Variants in FAAH2 observed in about 807,000 individuals in gnomAD.
FAAH2 encodes fatty acid amide hydrolase 2.
In FAAH2, 60 loss-of-function variants were observed where a neutral mutation model predicts 36.9. That is an observed-to-expected ratio of 1.63 (90% CI 1.32 to 2.02). FAAH2 has a LOEUF of 2.02. FAAH2 is among the 30% of genes most tolerant of loss of function. The pLI is 0.00. For missense variants in FAAH2, 689 were observed against 397.5 expected, an observed-to-expected ratio of 1.73 and a Z score of -6.23; for synonymous variants, 214 against 143.8, an observed-to-expected ratio of 1.49 and a Z score of -3.49.
chrX:57,463,668 G>T (rs755619544), intron 10 of FAAH2, among the ~76,000 whole-genome samples: 1 of 111,834 alleles, frequency 8.9e-6, no homozygotes, highest in African/African-American at 3.2e-5. Flanking sequence ...ATCATCACTG[G>T]TCATTAGAGA....
chrX:57,434,925 C>G (rs1435735908), intron 8 of FAAH2, among the ~76,000 whole-genome samples: 8 of 111,349 alleles, frequency 7.2e-5, no homozygotes, highest in African/African-American at 2.6e-4. Context: ...TAAGAATGAG[C>G]TTCTTAGCAG....
At chrX:57,190,301 A>T in the FAAH2 span, among the ~76,000 whole-genome samples, 1 of 110,143 alleles carries the variant, frequency 9.1e-6, no homozygotes, top group Non-Finnish European at 1.9e-5. Context: ...GGCAATGATA[A>T]TTTCAAGCCA....
chrX:57,439,313 A>G (rs201763075), intron 8 of FAAH2, among the ~76,000 whole-genome samples: 40,256 of 109,485 alleles, frequency 0.37, 6,423 homozygotes, highest in Middle Eastern at 0.63. Context: ...GTGAGATGGT[A>G]TCTCATTGTG....
At chrX:57,123,056 G>A in the FAAH2 span, among the ~76,000 whole-genome samples, 1 of 110,878 alleles carries the variant, frequency 9.0e-6, no homozygotes, top group Non-Finnish European at 1.9e-5. Flanking sequence ...ACAATGTGCA[G>A]GTTAGTTACA....
At chrX:57,210,175 T>C in the FAAH2 span, among the ~76,000 whole-genome samples, 1 of 111,478 alleles carries the variant, frequency 9.0e-6, no homozygotes, top group African/African-American at 3.3e-5. Flanking sequence ...GCACTTTCAT[T>C]TGTAGTTGTT....
the FAAH2 span, among the ~76,000 whole-genome samples, chrX:57,275,941 C>T: frequency 9.0e-6 from 1 of 111,511 alleles, no homozygotes; most frequent in East Asian, 2.8e-4. Context: ...TAGATACCTA[C>T]AAAGAGACTT....
intron 8 of FAAH2, among the ~76,000 whole-genome samples, chrX:57,435,956 T>C (rs1165764349): frequency 9.0e-6 from 1 of 111,341 alleles, no homozygotes; most frequent in Non-Finnish European, 1.9e-5. Context: ...GTATAGACCT[T>C]GTATTTTAGG....
At chrX:57,399,951 C>A (rs1450907447) in intron 7 of FAAH2, among the ~76,000 whole-genome samples, 2 of 111,895 alleles carry the variant, frequency 1.8e-5, no homozygotes, top group African/African-American at 6.5e-5. Flanking sequence ...TTTTAAAGTC[C>A]TTTTTCTACA....
the FAAH2 span, among the ~76,000 whole-genome samples, chrX:57,207,157 T>G: frequency 9.0e-6 from 1 of 110,987 alleles, no homozygotes; most frequent in Non-Finnish European, 1.9e-5. Flanking sequence ...ATTTTATGCA[T>G]CATATGTTGA....
At chrX:57,431,199 A>C (rs746941962) in intron 7 of FAAH2, among the ~76,000 whole-genome samples, 1 of 111,793 alleles carries the variant, frequency 8.9e-6, no homozygotes, top group East Asian at 2.8e-4. Context: ...TGTCTATATA[A>C]ATTAGAAAAA....
rs192757304 is a variant in FAAH2 at position 57,478,182 on chromosome X, G to T, written c.1424-10575G>T. 5.4e-5 allele frequency among the ~76,000 whole-genome samples: 6 copies of T among 111,645 alleles called. No individual in the cohort carries two copies. In the East Asian group the frequency reaches 8.5e-4, roughly 16 times the overall value. On this transcript the variant is annotated intron_variant, in intron 10 of 10. Coordinates refer to ENST00000374900, the MANE Select transcript of FAAH2 (RefSeq NM_174912.4). The stretch of plus-strand genomic sequence containing the variant: ...CCTGACTTTTTAATGATTGCCATTC[G>T]AACTGGTATGAGATGGTATCTCATT...
the FAAH2 span, among the ~76,000 whole-genome samples, chrX:57,249,742 T>A: frequency 8.9e-6 from 1 of 112,046 alleles, no homozygotes; most frequent in Non-Finnish European, 1.9e-5. Context: ...TATGTTTGCT[T>A]GACTTTTGAT....
intron 8 of FAAH2, among the ~76,000 whole-genome samples, chrX:57,438,410 C>A (rs1243036992): frequency 9.5e-6 from 1 of 105,184 alleles, no homozygotes; most frequent in Non-Finnish European, 1.9e-5. Context: ...AGTAAAACTA[C>A]AAAATGCTGA....
At chrX:57,245,087 G>A in the FAAH2 span, among the ~76,000 whole-genome samples, 1,650 of 110,839 alleles carry the variant, frequency 0.015, 41 homozygotes, top group African/African-American at 0.051. Context: ...AATCCTAGTC[G>A]CTGAAAAAAA....
chrX:57,163,085 G>T, the FAAH2 span, among the ~76,000 whole-genome samples: 1 of 111,830 alleles, frequency 8.9e-6, no homozygotes, highest in South Asian at 3.8e-4. Flanking sequence ...TAACAGACAG[G>T]ACCCTCAGCT....
intron 2 of FAAH2, among the ~76,000 whole-genome samples, chrX:57,296,008 TGGGCTCCACCTCTGG>T (rs2052140267): frequency 8.9e-6 from 1 of 112,507 alleles, no homozygotes; most frequent in African/African-American, 3.2e-5. Flanking sequence ...CCTGCCTCTG[TGGGCTCCACCTCTGG>T]GGGCAGGACA....
At chrX:57,170,502 G>A in the FAAH2 span, among the ~76,000 whole-genome samples, 2 of 111,116 alleles carry the variant, frequency 1.8e-5, no homozygotes, top group African/African-American at 3.3e-5. Context: ...TACTTGTATA[G>A]AGGTGAAGTG....
At chrX:57,131,342 C>T in the FAAH2 span, among the ~76,000 whole-genome samples, 1 of 110,524 alleles carries the variant, frequency 9.0e-6, no homozygotes, top group Non-Finnish European at 1.9e-5. Flanking sequence ...GCCTCGGCCT[C>T]CCAAAGTGCT....
At chrX:57,267,351 G>A in the FAAH2 span, among the ~76,000 whole-genome samples, 2 of 112,950 alleles carry the variant, frequency 1.8e-5, no homozygotes, top group South Asian at 7.2e-4. Flanking sequence ...GCCTCTGCCA[G>A]TGCTCTGCTT....
Sources: allele counts gnomAD v4.1 joint callset (sites outside exome capture counted in the v4.1 genomes callset), GRCh38; gene constraint gnomAD v4.1.1; transcripts MANE v1.5; gene names NCBI Gene and HGNC (gene_info 2026-07-23, HGNC 2026-07-21).